SH3TC2: variants seen among roughly 807,000 people sequenced by gnomAD.
SH3TC2 encodes SH3 domain and tetratricopeptide repeats 2.
SH3TC2 carries 87 observed loss-of-function variants against 124.5 expected under a neutral mutation model. That is an observed-to-expected ratio of 0.70 (90% CI 0.59 to 0.84). The LOEUF is 0.84. Ranked by LOEUF, SH3TC2 falls within the 40% of genes least tolerant of loss-of-function variation. The pLI is 0.00. For synonymous variants in SH3TC2, 634 were observed against 628.5 expected, an observed-to-expected ratio of 1.01 and a Z score of -0.13; for missense variants, 1,536 against 1,566.4, an observed-to-expected ratio of 0.98 and a Z score of 0.33.
At chr5:149,020,113 A>AACACACACACACACAC (rs56088659) in intron 12 of SH3TC2, among the ~76,000 whole-genome samples, 7,204 of 146,826 alleles carry the variant, frequency 0.049, 431 homozygotes, top group African/African-American at 0.14. Flanking sequence ...GAAAAGGTCA[A>AACACACACACACACAC]ACACACACAC....
At position 149,042,700 on chromosome 5, in the gene SH3TC2, G is replaced by C. The variant is rs1354901079; in HGVS notation, c.523C>G (p.Gln175Glu). 1 of 1,613,948 alleles carries C rather than the reference G, an allele frequency of 6.2e-7. No homozygotes were observed. The highest frequency in any genetic ancestry group is 8.5e-7 in the Non-Finnish European group (1 of 1,180,000). The change falls in exon 5 of 17, where the codon CAG (glutamine) becomes GAG (glutamate). Residue 175 changes from glutamine (Q) to glutamate (E), a missense_variant. Physicochemically the swap from Gln to Glu is conservative, Grantham distance 29 (BLOSUM62 2). This residue lies in a region of SH3TC2 where 1,102 missense variants were observed against 1,098.6 expected (regional missense o/e 1.00). Coordinates refer to ENST00000515425, the MANE Select transcript of SH3TC2 (RefSeq NM_024577.4). ...LETIYLGLLI[Q>E]EGHFFCRALC... is the part of the protein sequence containing the mutation. ...ACCCCTATGCCACACTCACCTTCCT[G>C]TATCAGGAGTCCCAGGTATATTGTT...
chr5:149,008,597 T>A, intron 15 of SH3TC2: 1 of 559,822 alleles, frequency 1.8e-6, no homozygotes, highest in Non-Finnish European at 3.2e-6. Flanking sequence ...GTGCTATGGC[T>A]GTTACATGGA....
rs1187144315 is a variant in SH3TC2, at chr5:149,004,602, G to A, written c.*109C>T. On this transcript the variant is annotated 3_prime_UTR_variant, in exon 17 of 17. Transcript: ENST00000515425. Reference sequence around the variant, plus strand: ...TTCATTCTTCTTCTTGTGAAATGAGGGGGCTAGGCCAGGTAAGGACTCGGA... The same window carrying A: ...TTCATTCTTCTTCTTGTGAAATGAGAGGGCTAGGCCAGGTAAGGACTCGGA... The A allele has an allele frequency of 5.3e-6, 6 of 1,136,666 alleles. No homozygotes were observed. Among genetic ancestry groups the A allele is most frequent in the Middle Eastern group, 3.0e-4 (1 of 3,340 alleles). The allele number at this position is 1,136,666 out of a possible 1,614,324, so 70.4% of individuals were successfully genotyped here.
chr5:149,051,821 T>C (rs971665041), intron 2 of SH3TC2, among the ~76,000 whole-genome samples: 4 of 152,230 alleles, frequency 2.6e-5, no homozygotes, highest in African/African-American at 9.6e-5. Context: ...AGGTACCATG[T>C]TGAATATAAA....
At chr5:149,048,865 G>A (rs192066374) in intron 2 of SH3TC2, among the ~76,000 whole-genome samples, 17 of 152,312 alleles carry the variant, frequency 1.1e-4, no homozygotes, top group Admixed American at 8.5e-4. Context: ...GAGGTTCATC[G>A]TATAATTGCA....
intron 3 of SH3TC2, chr5:149,046,434 GA>G (rs765113956): frequency 5.9e-5 from 9 of 152,182 alleles, no homozygotes; most frequent in Non-Finnish European, 8.8e-5. Context: ...AAAAGATAAG[GA>G]AGTATGTCAT....
chr5:148,994,600 ATGGTTGGTTGGTTGGTTGGT>A lies in SH3TC2; in HGVS notation c.*10091_*10110del, dbSNP rs57301725. Reference sequence around the variant, plus strand: ...GGTATGTGGGTGGTTGGGTGGTTAGATGGTTGGTTGGTTGGTTGGTTGGTTGGTTGGTTGGTTGGTTGGTT... The same window carrying A: ...GGTATGTGGGTGGTTGGGTGGTTAGATGGTTGGTTGGTTGGTTGGTTGGTT... On this transcript the variant is annotated 3_prime_UTR_variant, in exon 17 of 17. Transcript: ENST00000515425. Among the ~76,000 whole-genome samples the A allele has an allele frequency of 3.6e-3, 500 of 140,672 alleles. 2 individuals carry two copies. Among genetic ancestry groups the A allele is most frequent in the Admixed American group, 4.4e-3 (61 of 13,874 alleles). The allele number at this position is 140,672 out of a possible 152,430, so 92.3% of individuals were successfully genotyped here.
chr5:149,023,601 T>TTTTTTTTTTTTTTG (rs1754014057), intron 12 of SH3TC2, among the ~76,000 whole-genome samples: 1 of 107,906 alleles, frequency 9.3e-6, no homozygotes. Flanking sequence ...TTTTTTTTTT[T>TTTTTTTTTTTTTTG]GAGAGACAGT....
intron 3 of SH3TC2, chr5:149,046,233 A>T (rs1754462130): frequency 6.5e-6 from 1 of 154,854 alleles, no homozygotes; most frequent in Admixed American, 6.5e-5. Context: ...GAGGCCCCAG[A>T]TCCATCATTA....
At chr5:149,062,190 C>T (rs1463998561) in intron 1 of SH3TC2, 1 of 398,070 alleles carries the variant, frequency 2.5e-6, no homozygotes, top group Non-Finnish European at 5.0e-6. Flanking sequence ...CCCTATCTCC[C>T]AAGCAAGCCT....
In SH3TC2 at chr5:149,027,226, C is replaced by G. The variant is rs768389060; in HGVS notation, c.2506G>C (p.Gly836Arg). The G allele has an allele frequency of 6.2e-7, 1 of 1,614,218 alleles. No homozygotes were observed. The highest frequency in any genetic ancestry group is 8.5e-7 in the Non-Finnish European group (1 of 1,180,048). Residue 836 changes from glycine to arginine, a missense_variant, in exon 11 of 17, where the codon GGA (glycine) becomes CGA (arginine). Physicochemically the swap from Gly to Arg is moderately radical, Grantham distance 125. Transcript: ENST00000515425. Reference sequence around the variant, plus strand: ...AGTCCCAGGAGGTTATAGATGACTCCCCTTTGAGTGAGACTCTCTGTCTCC... The same window carrying G: ...AGTCCCAGGAGGTTATAGATGACTCGCCTTTGAGTGAGACTCTCTGTCTCC... ...LKETESLTQR[G>R]VIYNLLGLAL...
Position 149,026,895 on chromosome 5 carries a change from G to A in SH3TC2, c.2837C>T (p.Ala946Val). 6.2e-7 allele frequency: 1 copy of A among 1,614,132 alleles called. No homozygotes were observed. Among genetic ancestry groups the A allele is most frequent in the Non-Finnish European group, 8.5e-7 (1 of 1,180,032 alleles). The change falls in exon 11 of 17, where the codon GCA becomes GTA. Residue 946 changes from alanine to valine, a missense_variant. Transcript: ENST00000515425. ...LTHGLLCYEM[A>V]LLFGLRHRHL... is the part of the protein sequence containing the mutation. Reference sequence around the variant, plus strand: ...TCGATGCCTTAAGCCAAACAGCAATGCCATTTCATAACAAAGAAGGCCATG... The same window carrying A: ...TCGATGCCTTAAGCCAAACAGCAATACCATTTCATAACAAAGAAGGCCATG...
At chr5:149,005,421 A>T (rs1446616573) in intron 16 of SH3TC2, among the ~76,000 whole-genome samples, 3 of 152,272 alleles carry the variant, frequency 2.0e-5, no homozygotes, top group African/African-American at 7.2e-5. Context: ...AACAGGATCC[A>T]GAGCTATCTG....
rs376831778 is a variant in SH3TC2 at position 149,004,995 on chromosome 5, TG to T, written c.3676-94del. The T allele has an allele frequency of 1.1e-3, 1,366 of 1,189,580 alleles. 2 individuals carry two copies. Among genetic ancestry groups the T allele is most frequent in the Middle Eastern group, 2.5e-3 (9 of 3,614 alleles). 73.7% of individuals were successfully genotyped at this position (1,189,580 alleles called of 1,614,324 possible). ...CTGTGCTGGCCACTCTAGTTTTTTT[TG>T]TTTGTTTGTTTGTTTGTTTGTTTGC... is the stretch of plus-strand genomic sequence containing the variant. On this transcript the variant is annotated intron_variant, in intron 16 of 16. Transcript: ENST00000515425.
chr5:149,008,540 T>C (rs1753729102), intron 15 of SH3TC2: 1 of 456,248 alleles, frequency 2.2e-6, no homozygotes, highest in Non-Finnish European at 4.0e-6. Context: ...ATAATAATAG[T>C]GTGGCACAGG....
At chr5:149,023,274 A>T (rs1022732957) in intron 12 of SH3TC2, among the ~76,000 whole-genome samples, 2 of 152,222 alleles carry the variant, frequency 1.3e-5, no homozygotes, top group Non-Finnish European at 2.9e-5. Flanking sequence ...CCATAGTGTG[A>T]TAAAATGTTG....
At chr5:149,032,229 G>A (rs1754207297) in intron 8 of SH3TC2, among the ~76,000 whole-genome samples, 1 of 152,130 alleles carries the variant, frequency 6.6e-6, no homozygotes, top group African/African-American at 2.4e-5. Flanking sequence ...TAGAACAACA[G>A]TTTAGTCAAC....
intron 1 of SH3TC2, chr5:149,062,475 C>A (rs1754770191): frequency 2.1e-6 from 1 of 474,676 alleles, no homozygotes; most frequent in Non-Finnish European, 4.3e-6. Context: ...ACTTGATGCA[C>A]ACACTCACAC....
At position 149,000,135 on chromosome 5, in the gene SH3TC2, C is replaced by A. The variant is rs996951340; in HGVS notation, c.*4576G>T. Among the ~76,000 whole-genome samples the A allele has an allele frequency of 7.2e-5, 11 of 152,304 alleles. No individual in the cohort carries two copies. The highest frequency in any genetic ancestry group is 3.4e-3 in the Middle Eastern group (1 of 294). On this transcript the variant is annotated 3_prime_UTR_variant, in exon 17 of 17. Transcript: ENST00000515425. ...AGTGCCTGTAACATCCTGTAACTAACACCAATCACAATGCTTCTGATACTG... is the reference window on the plus strand; with the variant it reads ...AGTGCCTGTAACATCCTGTAACTAAAACCAATCACAATGCTTCTGATACTG...
Sources: gnomAD v4.1 joint callset for allele counts (sites outside exome capture counted in the v4.1 genomes callset) on GRCh38, gnomAD v4.1.1 for gene constraint, gnomAD v4.1.1 regional missense constraint, MANE v1.5 for transcripts, NCBI Gene and HGNC (gene_info 2026-07-23, HGNC 2026-07-21) for gene names.